The following ACBD3 variants were observed in gnomAD, a reference collection of about 807,000 sequenced individuals.
The protein encoded by ACBD3 is acyl-CoA binding domain containing 3.
Under a neutral mutation model 66.9 loss-of-function variants are expected in ACBD3, and 30 were observed. That is an observed-to-expected ratio of 0.45 (90% CI 0.34 to 0.61). ACBD3 has a LOEUF of 0.61. Among genes scored for constraint, ACBD3 ranks in the 20% least tolerant of loss-of-function variants. The probability of loss-of-function intolerance (pLI) is 0.02; values close to 1 mark genes in which losing one functional copy is unlikely to be tolerated. For missense variants in ACBD3, 544 were observed against 664.5 expected, an observed-to-expected ratio of 0.82 and a Z score of 1.99; for synonymous variants, 278 against 259.8, an observed-to-expected ratio of 1.07 and a Z score of -0.68.
intron 1 of ACBD3, among the ~76,000 whole-genome samples, chr1:226,178,717 G>C (rs1395966364): frequency 1.3e-5 from 2 of 151,934 alleles, no homozygotes; most frequent in Non-Finnish European, 2.9e-5. Context: ...TTTAATGAAA[G>C]AAGGCCATAA....
chr1:226,181,282 TTA>T (rs1300048517), intron 1 of ACBD3, among the ~76,000 whole-genome samples: 2 of 152,222 alleles, frequency 1.3e-5, no homozygotes, highest in Non-Finnish European at 1.5e-5. Context: ...GGCACACTAA[TTA>T]TATATGTTTC....
At chr1:226,153,918 C>T (rs1659622751) in intron 6 of ACBD3, among the ~76,000 whole-genome samples, 1 of 152,174 alleles carries the variant, frequency 6.6e-6, no homozygotes, top group African/African-American at 2.4e-5. Flanking sequence ...GCATAAAAGA[C>T]ACTGCCACTT....
chr1:226,151,392 T>C (rs1281339315), intron 7 of ACBD3, among the ~76,000 whole-genome samples: 2 of 152,210 alleles, frequency 1.3e-5, no homozygotes, highest in Admixed American at 1.3e-4. Flanking sequence ...ACATTCTAAC[T>C]TTCCTGGGTA....
intron 1 of ACBD3, among the ~76,000 whole-genome samples, chr1:226,178,062 G>A (rs1047717247): frequency 1.3e-5 from 2 of 151,776 alleles, no homozygotes; most frequent in South Asian, 2.1e-4. Context: ...CAATAAATTT[G>A]TGGTAATTTG....
chr1:226,183,735 G>T (rs3008183), intron 1 of ACBD3, among the ~76,000 whole-genome samples: 152,007 of 152,094 alleles, frequency 1, 75,960 homozygotes, highest in Middle Eastern at 1. Context: ...AAATACAAAA[G>T]TACCTGGGCG....
intron 1 of ACBD3, among the ~76,000 whole-genome samples, chr1:226,166,484 ATT>A (rs200962496): frequency 5.4e-4 from 66 of 122,334 alleles, no homozygotes; most frequent in Admixed American, 8.6e-4. Context: ...CGGTATGCTG[ATT>A]TTTTTTTTTT....
Position 226,159,207 on chromosome 1 carries a change from G to C in ACBD3, c.880C>G (p.Gln294Glu). The change falls in exon 5 of 8, where the codon CAA (glutamine) becomes GAA (glutamate). Residue 294 changes from glutamine to glutamate, a missense_variant. By Grantham distance (29) the Gln-to-Glu change is conservative. Coordinates refer to ENST00000366812, the MANE Select transcript of ACBD3 (RefSeq NM_022735.4). ...HYQQYMQQLY[Q>E]VQLAQQQAAL... Reference sequence around the variant, plus strand: ...ACCTGTTGCTGTGCAAGCTGGACTTGATACAACTGCTGCATGTACTGCTGA... The same window carrying C: ...ACCTGTTGCTGTGCAAGCTGGACTTCATACAACTGCTGCATGTACTGCTGA... The C allele has an allele frequency of 6.2e-7, 1 of 1,614,196 alleles. No individual in the cohort carries two copies. Among genetic ancestry groups the C allele is most frequent in the Non-Finnish European group, 8.5e-7 (1 of 1,180,022 alleles).
At position 226,186,510 on chromosome 1, in the gene ACBD3, C is replaced by T. The variant is rs955078520; in HGVS notation, c.166G>A (p.Glu56Lys). The change falls in exon 1 of 8, where the codon GAG becomes AAG. Residue 56 changes from glutamate to lysine, a missense_variant. Glu to Lys is a moderately conservative substitution (Grantham distance 56). This residue lies in a region of ACBD3 where 137 missense variants were observed against 145.9 expected (regional missense o/e 0.94). Transcript: ENST00000366812. The part of the protein sequence containing the change: ...GSGRGPGASG[E>K]QPEPGEAAAG... ...GCCGCCTCCCCGGGCTCGGGCTGCT[C>T]CCCTGAGGCGCCCGGGCCGCGACCG... The T allele has an allele frequency of 1.4e-6, 2 of 1,421,028 alleles. No homozygotes were observed. Among genetic ancestry groups the T allele is most frequent in the Non-Finnish European group, 1.8e-6 (2 of 1,092,912 alleles). The allele number at this position is 1,421,028 out of a possible 1,614,324, so 88.0% of individuals were successfully genotyped here.
intron 1 of ACBD3, among the ~76,000 whole-genome samples, chr1:226,176,251 C>A (rs1287466670): frequency 6.6e-6 from 1 of 152,022 alleles, no homozygotes; most frequent in Non-Finnish European, 1.5e-5. Flanking sequence ...CATGGTGAAG[C>A]CCTGTCTCTA....
chr1:226,145,032 TACCATATGTACATGAAAGCTG>T lies in ACBD3; in HGVS notation c.*1557_*1577del, dbSNP rs1325846076. ...GAAGTGCCTAACTCCATGGTTTCTA[TACCATATGTACATGAAAGCTG>T]ACAGAGAGCCTGACAAATGTTCTGG... is the stretch of plus-strand genomic sequence containing the variant. On this transcript the variant is annotated 3_prime_UTR_variant, in exon 8 of 8. Transcript: ENST00000366812. 2.0e-5 allele frequency: 3 copies of T among 152,562 alleles called. No homozygotes were observed. The highest frequency in any genetic ancestry group is 4.4e-5 in the Non-Finnish European group (3 of 68,026). The allele number at this position is 152,562 out of a possible 1,614,324, so 9.5% of individuals were successfully genotyped here. A position where few individuals can be genotyped will look rare whatever the true frequency, so the allele number is the denominator to read the frequency against.
intron 1 of ACBD3, among the ~76,000 whole-genome samples, chr1:226,174,756 A>G (rs1413825077): frequency 6.6e-6 from 1 of 151,536 alleles, no homozygotes; most frequent in African/African-American, 2.4e-5. Flanking sequence ...ACAGAGCCAG[A>G]CTCCGTCTCA....
rs751018413 is a variant in ACBD3 at position 226,186,680 on chromosome 1, G to C, written c.-5C>G. ...TGCGTTCAGCACCGCCGCCATCTCC[G>C]GCTGCTGCACCTCCTCAGCGGGGAC... On this transcript the variant is annotated 5_prime_UTR_variant, in exon 1 of 8. Transcript: ENST00000366812. 17 of 1,494,476 alleles carry C rather than the reference G, an allele frequency of 1.1e-5. No homozygotes were observed. Among genetic ancestry groups the C allele is most frequent in the Non-Finnish European group, 1.5e-5 (17 of 1,127,252 alleles). 92.6% of individuals were successfully genotyped at this position (1,494,476 alleles called of 1,614,324 possible). A position where few individuals can be genotyped will look rare whatever the true frequency, so the allele number is the denominator to read the frequency against.
chr1:226,164,611 C>G (rs1659837130), intron 3 of ACBD3, among the ~76,000 whole-genome samples, 178 bp downstream of exon 3: 1 of 152,230 alleles, frequency 6.6e-6, no homozygotes, highest in Non-Finnish European at 1.5e-5. Flanking sequence ...TCCCTCCCCC[C>G]AAAACTTATA....
rs573245279 is a variant in ACBD3, at chr1:226,149,358, C to G, written c.1376-2537G>C. On this transcript the variant is annotated intron_variant, in intron 7 of 7. Coordinates refer to ENST00000366812, the MANE Select transcript of ACBD3 (RefSeq NM_022735.4). Reference sequence around the variant, plus strand: ...TCTCCTGCCTCAGTCTCCCAAGTAGCTGGGATTACAGGCATGTGCCACCAT... The same window carrying G: ...TCTCCTGCCTCAGTCTCCCAAGTAGGTGGGATTACAGGCATGTGCCACCAT... 5.3e-5 allele frequency among the ~76,000 whole-genome samples: 8 copies of G among 151,424 alleles called. No individual in the cohort carries two copies. The East Asian group carries it at 1.6e-3, about 29-fold the overall frequency.
intron 7 of ACBD3, among the ~76,000 whole-genome samples, chr1:226,151,729 C>G (rs1013305395): frequency 6.6e-6 from 1 of 152,110 alleles, no homozygotes; most frequent in Non-Finnish European, 1.5e-5. Flanking sequence ...CAAAGTGGGT[C>G]GGGTGCTGTG....
At chr1:226,169,306 G>C (rs1055078336) in intron 1 of ACBD3, among the ~76,000 whole-genome samples, 1 of 151,786 alleles carries the variant, frequency 6.6e-6, no homozygotes, top group East Asian at 1.9e-4. Flanking sequence ...GGAGTGCCGT[G>C]GTGCGATCTC....
chr1:226,152,204 A>G, intron 7 of ACBD3, 131 bp downstream of exon 7: 1 of 1,257,812 alleles, frequency 8.0e-7, no homozygotes, highest in Non-Finnish European at 1.1e-6. Context: ...CCAAGGTCCC[A>G]CTAATGAAGA....
intron 3 of ACBD3, among the ~76,000 whole-genome samples, chr1:226,164,294 C>T (rs754564443): frequency 1.1e-4 from 16 of 151,994 alleles, no homozygotes; most frequent in Non-Finnish European, 2.1e-4. Flanking sequence ...ATCCCATAAG[C>T]ATAAACAGCA....
intron 7 of ACBD3, chr1:226,147,944 T>C (rs1037856110): frequency 1.3e-5 from 2 of 152,192 alleles, no homozygotes; most frequent in Admixed American, 1.3e-4. Flanking sequence ...TGTTTTTGTT[T>C]GTTTGTTTGT....
Sources: gnomAD v4.1 joint callset for allele counts (sites outside exome capture counted in the v4.1 genomes callset) on GRCh38, gnomAD v4.1.1 for gene constraint, gnomAD v4.1.1 regional missense constraint, MANE v1.5 for transcripts, NCBI Gene and HGNC (gene_info 2026-07-23, HGNC 2026-07-21) for gene names.